Variants in FBXL19 observed in about 807,000 individuals in gnomAD.
FBXL19 encodes F-box/LRR-repeat protein 19.
A neutral mutation model predicts 71.2 loss-of-function variants in FBXL19; 16 were observed. The observed-to-expected ratio is 0.22, with a 90% CI of 0.15 to 0.34. The LOEUF (loss-of-function observed/expected upper bound fraction) is 0.34. Ranked by LOEUF, FBXL19 falls within the 10% of genes least tolerant of loss-of-function variation. The pLI, the probability that FBXL19 is intolerant of heterozygous loss-of-function variation, is 1.00. For missense variants in FBXL19, 658 were observed against 968.2 expected, an observed-to-expected ratio of 0.68 and a Z score of 4.25; for synonymous variants, 447 against 409.4, an observed-to-expected ratio of 1.09 and a Z score of -1.11.
rs999424894 is a variant in FBXL19, at chr16:30,925,566, C to A, written c.-24-165C>A. 60 of 678,032 alleles carry A rather than the reference C, an allele frequency of 8.8e-5. No homozygotes were observed. Among genetic ancestry groups the A allele is most frequent in the Admixed American group, 5.6e-4 (13 of 23,308 alleles). The allele number at this position is 678,032 out of a possible 1,614,324, so 42.0% of individuals were successfully genotyped here. On this transcript the variant is annotated intron_variant, in intron 1 of 10. Transcript: ENST00000338343. The surrounding 1 kb of genome is among the most constrained non-coding windows in gnomAD (Gnocchi z 5.0). Reference sequence around the variant, plus strand: ...TCTTGAGCTGCTGCAGGGAGACAGGCCTTGAGTAGAGGATTGGCCCCCAGA... The same window carrying A: ...TCTTGAGCTGCTGCAGGGAGACAGGACTTGAGTAGAGGATTGGCCCCCAGA...
rs779395269 is a variant in FBXL19 at position 30,928,459 on chromosome 16, C to T, written c.628-8C>T. 2.4e-5 allele frequency: 38 copies of T among 1,565,186 alleles called. No individual in the cohort carries two copies. The Middle Eastern group carries it at 1.2e-3, about 49-fold the overall frequency. ...CCCTTCCTCCATATCTCCCTCTCACCCTGGTAGGTGAAAGGAGGCCGAGAG... is the reference window on the plus strand; with the variant it reads ...CCCTTCCTCCATATCTCCCTCTCACTCTGGTAGGTGAAAGGAGGCCGAGAG... On this transcript the variant is annotated splice_region_variant and splice_polypyrimidine_tract_variant and intron_variant, in intron 5 of 10. Transcript: ENST00000338343.
Position 30,947,459 on chromosome 16 carries a change from T to G in FBXL19, c.*229T>G. On this transcript the variant is annotated 3_prime_UTR_variant, in exon 11 of 11. Coordinates refer to ENST00000338343, the MANE Select transcript of FBXL19 (RefSeq NM_001382779.1). ...GTCCTGCCCCTGCTACCTGCTTCATTGTCCATCCCCTGGGGGAGTGGGTCA... is the reference window on the plus strand; with the variant it reads ...GTCCTGCCCCTGCTACCTGCTTCATGGTCCATCCCCTGGGGGAGTGGGTCA... The G allele has an allele frequency of 9.1e-6, 5 of 547,912 alleles. No individual in the cohort carries two copies. The highest frequency in any genetic ancestry group is 3.2e-5 in the Admixed American group (1 of 31,316). The allele number at this position is 547,912 out of a possible 1,614,324, so 33.9% of individuals were successfully genotyped here.
chr16:30,931,880 C>G (rs542365536), intron 7 of FBXL19, among the ~76,000 whole-genome samples: 1 of 151,652 alleles, frequency 6.6e-6, no homozygotes, highest in African/African-American at 2.4e-5. Context: ...GCACCCACCA[C>G]CACACCCGGC....
chr16:30,927,289 G>GT lies in FBXL19; in HGVS notation c.178-18dup. 1 of 1,538,362 alleles carries GT rather than the reference G, an allele frequency of 6.5e-7. No individual in the cohort carries two copies. Among genetic ancestry groups the GT allele is most frequent in the South Asian group, 1.2e-5 (1 of 82,348 alleles). On this transcript the variant is annotated intron_variant, in intron 2 of 10. Coordinates refer to ENST00000338343, the MANE Select transcript of FBXL19 (RefSeq NM_001382779.1). Reference sequence around the variant, plus strand: ...GTTGTTAGCTTTCGGGGCCCCTGATGTCCCCTCTCCCCCAACAGCCCGTGC... The same window carrying GT: ...GTTGTTAGCTTTCGGGGCCCCTGATGTTCCCCTCTCCCCCAACAGCCCGTGC...
intron 7 of FBXL19, among the ~76,000 whole-genome samples, chr16:30,940,138 A>T (rs1371993997): frequency 6.6e-6 from 1 of 151,982 alleles, no homozygotes; most frequent in Non-Finnish European, 1.5e-5. Flanking sequence ...CATGCCTGTA[A>T]TCCCAGCTAC....
Position 30,925,916 on chromosome 16 carries a change from C to G in FBXL19, c.162C>G (p.Leu54=). The part of the protein sequence containing the change: ...GPGRMKQSCL[L]RQCTAPVLPH... ...GGCGCATGAAGCAGTCGTGCCTGCT[C>G]CGGCAGTGCACTGCCGTGAGTTCTG... The change falls in exon 2 of 11, where the codon CTC becomes CTG. Residue 54 remains leucine, a synonymous_variant. Coordinates refer to ENST00000338343, the MANE Select transcript of FBXL19 (RefSeq NM_001382779.1). The surrounding 1 kb of genome is among the most constrained non-coding windows in gnomAD (Gnocchi z 5.0). 6.7e-7 allele frequency: 1 copy of G among 1,492,504 alleles called. No individual in the cohort carries two copies. The highest frequency in any genetic ancestry group is 8.9e-7 in the Non-Finnish European group (1 of 1,126,390). 92.5% of individuals were successfully genotyped at this position (1,492,504 alleles called of 1,614,324 possible).
chr16:30,933,583 G>A (rs2055698584), intron 7 of FBXL19, among the ~76,000 whole-genome samples: 1 of 152,062 alleles, frequency 6.6e-6, no homozygotes, highest in Non-Finnish European at 1.5e-5. Flanking sequence ...CTGAGTAGCT[G>A]GGATTGCAGG....
At chr16:30,929,971 G>C in intron 6 of FBXL19, 102 bp from the exon 7 acceptor site, 3 of 1,467,248 alleles carry the variant, frequency 2.0e-6, no homozygotes, top group Non-Finnish European at 2.7e-6. Context: ...TGGAACTCAG[G>C]ACTGTCCCTC....
rs1488857358 is a variant in FBXL19, at chr16:30,925,614, T to C, written c.-24-117T>C. The C allele has an allele frequency of 1.6e-5, 18 of 1,151,048 alleles. No homozygotes were observed. In the East Asian group the frequency reaches 5.0e-4, roughly 32 times the overall value. The allele number at this position is 1,151,048 out of a possible 1,614,324, so 71.3% of individuals were successfully genotyped here. A position where few individuals can be genotyped will look rare whatever the true frequency, so the allele number is the denominator to read the frequency against. On this transcript the variant is annotated intron_variant, in intron 1 of 10. Coordinates refer to ENST00000338343, the MANE Select transcript of FBXL19 (RefSeq NM_001382779.1). The surrounding 1 kb of genome is among the most constrained non-coding windows in gnomAD (Gnocchi z 5.0). ...AGATACACAGAAGGGGGTGACCTCCTTGTCCCCCTGAGGAAGAGGGCAGGC... is the reference window on the plus strand; with the variant it reads ...AGATACACAGAAGGGGGTGACCTCCCTGTCCCCCTGAGGAAGAGGGCAGGC...
At chr16:30,940,082 C>A (rs1456258946) in intron 7 of FBXL19, among the ~76,000 whole-genome samples, 3 of 152,010 alleles carry the variant, frequency 2.0e-5, no homozygotes, top group Non-Finnish European at 4.4e-5. Flanking sequence ...CATGGAGAAA[C>A]CCTATCTCTA....
chr16:30,925,964 A>G lies in FBXL19; in HGVS notation c.177+33A>G. 6.9e-7 allele frequency: 1 copy of G among 1,454,910 alleles called. No homozygotes were observed. The highest frequency in any genetic ancestry group is 9.0e-7 in the Non-Finnish European group (1 of 1,107,126). The allele number at this position is 1,454,910 out of a possible 1,614,324, so 90.1% of individuals were successfully genotyped here. A position where few individuals can be genotyped will look rare whatever the true frequency, so the allele number is the denominator to read the frequency against. ...CTGCCCCCACCTTTGGGCTCTGCCC[A>G]CCCTTCCCAATACCTTCTTGGAATG... On this transcript the variant is annotated intron_variant, in intron 2 of 10. Transcript: ENST00000338343. This position sits in a 1 kb window ranked among gnomAD's most constrained non-coding sequence, Gnocchi z 5.0.
intron 9 of FBXL19, among the ~76,000 whole-genome samples, chr16:30,945,819 C>T (rs191318605): frequency 3.4e-4 from 47 of 137,878 alleles, no homozygotes; most frequent in Middle Eastern, 8.3e-3. Context: ...GCACTCCAGC[C>T]TGGGTGACAG....
chr16:30,927,232 C>G lies in FBXL19; in HGVS notation c.178-76C>G, dbSNP rs1221539607. 2.8e-6 allele frequency: 4 copies of G among 1,445,016 alleles called. No individual in the cohort carries two copies. In the South Asian group the frequency reaches 5.7e-5, roughly 21 times the overall value. The allele number at this position is 1,445,016 out of a possible 1,614,324, so 89.5% of individuals were successfully genotyped here. The stretch of plus-strand genomic sequence containing the variant: ...GTGCTGCACCTCATCCGTCACCTGG[C>G]CAGGGTCCCTAGAAGGAAGGGTCTT... On this transcript the variant is annotated intron_variant, in intron 2 of 10. Transcript: ENST00000338343.
rs375537844 is a variant in FBXL19, at chr16:30,930,039, G to A, written c.790-34G>A. 4 of 1,586,284 alleles carry A rather than the reference G, an allele frequency of 2.5e-6. No homozygotes were observed. Among genetic ancestry groups the A allele is most frequent in the African/African-American group, 2.7e-5 (2 of 74,230 alleles). On this transcript the variant is annotated intron_variant, in intron 6 of 10. Transcript: ENST00000338343. This position sits in a 1 kb window ranked among gnomAD's most constrained non-coding sequence, Gnocchi z 8.5. ...AGGGGGGTGGGAAAATGTATCCCAG[G>A]CCCTAGAACAGCATCAACCCTGTCT...
At chr16:30,941,473 A>T (rs924419653) in intron 7 of FBXL19, among the ~76,000 whole-genome samples, 9 of 152,116 alleles carry the variant, frequency 5.9e-5, no homozygotes, top group East Asian at 3.9e-4. Context: ...CTCAAAAAAA[A>T]TTTTTTTTCA....
chr16:30,924,899 G>A (rs987755908), intron 1 of FBXL19: 6 of 653,634 alleles, frequency 9.2e-6, no homozygotes, highest in African/African-American at 7.7e-5. Flanking sequence ...GGGAAGCTGG[G>A]GGTCCTAGGA....
In FBXL19 at chr16:30,946,927, C is replaced by T. The variant is rs1192140064; in HGVS notation, c.1825C>T (p.Leu609=). 4 of 1,609,750 alleles carry T rather than the reference C, an allele frequency of 2.5e-6. No homozygotes were observed. The highest frequency in any genetic ancestry group is 3.4e-6 in the Non-Finnish European group (4 of 1,178,864). The change falls in exon 10 of 11, where the codon CTG becomes TTG. Residue 609 remains leucine, a synonymous_variant. Transcript: ENST00000338343. This position sits in a 1 kb window ranked among gnomAD's most constrained non-coding sequence, Gnocchi z 6.7. ...CCCCACGTCCCCACTCCGCGAGACCCTGGTGCACCTCAATCTTGCTGGTAA... is the reference window on the plus strand; with the variant it reads ...CCCCACGTCCCCACTCCGCGAGACCTTGGTGCACCTCAATCTTGCTGGTAA... ...TAPTSPLRET[L]VHLNLAGCHR...
Position 30,923,686 on chromosome 16 carries a change from C to T in FBXL19, c.-798C>T, listed in dbSNP as rs978616712. Among the ~76,000 whole-genome samples, 2 of 151,800 alleles carry T rather than the reference C, an allele frequency of 1.3e-5. No homozygotes were observed. The highest frequency in any genetic ancestry group is 6.6e-5 in the Admixed American group (1 of 15,266). ...GGGGCTGAGACACCCCAACTGCCCC[C>T]TTCCCCTTTCCCTCTCCCCCTCTAT... On this transcript the variant is annotated 5_prime_UTR_variant, in exon 1 of 11. Transcript: ENST00000338343.
intron 7 of FBXL19, among the ~76,000 whole-genome samples, chr16:30,939,136 A>T (rs1274720864): frequency 6.7e-6 from 1 of 149,762 alleles, no homozygotes; most frequent in South Asian, 2.1e-4. Flanking sequence ...CAGTGGCGCA[A>T]TCTCGGCTTA....
Sources: gnomAD v4.1 joint callset for allele counts (sites outside exome capture counted in the v4.1 genomes callset) on GRCh38, gnomAD v4.1.1 for gene constraint, Gnocchi (gnomAD v3.1) non-coding constraint, MANE v1.5 for transcripts, NCBI Gene and HGNC (gene_info 2026-07-23, HGNC 2026-07-21) for gene names.